CCDC170: variants seen among roughly 807,000 people sequenced by gnomAD.
The protein encoded by CCDC170 is coiled-coil domain-containing protein 170.
A neutral mutation model predicts 72.6 loss-of-function variants in CCDC170; 69 were observed. The ratio of observed to expected loss-of-function variants is 0.95; its 90% CI spans 0.78 to 1.16. The LOEUF (loss-of-function observed/expected upper bound fraction) is 1.16. CCDC170 is among the 50% of genes most tolerant of loss of function. CCDC170 has a pLI of 0.00. For missense variants in CCDC170, 852 were observed against 832.5 expected (o/e 1.02, Z -0.29); for synonymous variants, 300 against 303.9 (o/e 0.99, Z 0.13).
At chr6:151,601,648 G>A (rs966426576) in intron 9 of CCDC170, among the ~76,000 whole-genome samples, 5 of 152,122 alleles carry the variant, frequency 3.3e-5, no homozygotes, top group Non-Finnish European at 5.9e-5. Context: ...ATTGGCTCAT[G>A]CAATTATGGA....
chr6:151,522,434 T>C (rs921109376), intron 1 of CCDC170, among the ~76,000 whole-genome samples: 1 of 152,154 alleles, frequency 6.6e-6, no homozygotes, highest in Non-Finnish European at 1.5e-5. Flanking sequence ...AATGACCTAC[T>C]CCACCCTGAC....
intron 10 of CCDC170, among the ~76,000 whole-genome samples, chr6:151,616,241 C>G (rs1489363227): frequency 6.6e-6 from 1 of 152,094 alleles, no homozygotes; most frequent in Non-Finnish European, 1.5e-5. Flanking sequence ...AAATCTCAAA[C>G]AGTGGCACCC....
At position 151,585,358 on chromosome 6, in the gene CCDC170, C is replaced by T. The variant is rs534014858; in HGVS notation, c.1093-531C>T. On this transcript the variant is annotated intron_variant, in intron 6 of 10. Transcript: ENST00000239374. ...AACTATGTAGTGTAGAGTCAGCATC[C>T]CTGGAGTTTAGGGCATAGGTAACCA... Among the ~76,000 whole-genome samples the T allele has an allele frequency of 2.6e-5, 4 of 152,192 alleles. No homozygotes were observed. In the East Asian group the frequency reaches 7.7e-4, roughly 29 times the overall value.
chr6:151,554,222 C>T (rs1389627623), intron 5 of CCDC170, among the ~76,000 whole-genome samples: 2 of 151,874 alleles, frequency 1.3e-5, no homozygotes, highest in African/African-American at 4.9e-5. Flanking sequence ...GGAAAGTAGT[C>T]ATTTTGCCTG....
At chr6:151,502,925 T>G (rs1323006146) in intron 1 of CCDC170, among the ~76,000 whole-genome samples, 1 of 152,224 alleles carries the variant, frequency 6.6e-6, no homozygotes, top group Middle Eastern at 3.4e-3. Flanking sequence ...ATCCCAGCAC[T>G]TTGGGAGGCT....
chr6:151,562,927 C>T (rs1156684680), intron 5 of CCDC170, among the ~76,000 whole-genome samples: 1 of 152,172 alleles, frequency 6.6e-6, no homozygotes, highest in African/African-American at 2.4e-5. Context: ...GATTTGCTTC[C>T]CTATCAAACC....
At chr6:151,552,430 T>C (rs188043292) in intron 5 of CCDC170, among the ~76,000 whole-genome samples, 1 of 152,286 alleles carries the variant, frequency 6.6e-6, no homozygotes, top group East Asian at 1.9e-4. Flanking sequence ...GGATTAACTA[T>C]TACATCATGG....
intron 1 of CCDC170, among the ~76,000 whole-genome samples, chr6:151,494,590 G>A (rs1370740208): frequency 2.0e-5 from 3 of 152,208 alleles, no homozygotes; most frequent in Non-Finnish European, 2.9e-5. Flanking sequence ...GGCCAGCCCG[G>A]AGTAGAGTCA....
At chr6:151,525,073 T>G (rs552546013) in intron 1 of CCDC170, among the ~76,000 whole-genome samples, 3 of 151,854 alleles carry the variant, frequency 2.0e-5, no homozygotes, top group Admixed American at 6.6e-5. Context: ...GCTGGGACTA[T>G]AGGTGCCCGC....
chr6:151,593,779 C>G (rs982445309), intron 8 of CCDC170, among the ~76,000 whole-genome samples: 3 of 152,032 alleles, frequency 2.0e-5, no homozygotes, highest in Admixed American at 6.6e-5. Flanking sequence ...GCAGAGGCAT[C>G]TTTAAAAAAG....
intron 6 of CCDC170, among the ~76,000 whole-genome samples, chr6:151,577,263 G>T (rs1031230815): frequency 2.6e-5 from 4 of 152,164 alleles, no homozygotes; most frequent in South Asian, 2.1e-4. Context: ...TTCCCAGTTT[G>T]TGACAACCAC....
intron 1 of CCDC170, among the ~76,000 whole-genome samples, chr6:151,514,623 C>G (rs1782209463): frequency 6.6e-6 from 1 of 152,216 alleles, no homozygotes; most frequent in Admixed American, 6.5e-5. Flanking sequence ...GAGGCAGAAA[C>G]CCTGGGAATG....
Position 151,557,633 on chromosome 6 carries a change from A to C in CCDC170, c.774+9144A>C, listed in dbSNP as rs569361022. Among the ~76,000 whole-genome samples, 33 of 152,248 alleles carry C rather than the reference A, an allele frequency of 2.2e-4. No individual in the cohort carries two copies. The South Asian group carries it at 6.8e-3, about 32-fold the overall frequency. ...CTCCATACTGTGTTCCATAGTGGCC[A>C]TACAAATTTACATTCCCACCAACAG... On this transcript the variant is annotated intron_variant, in intron 5 of 10. Coordinates refer to ENST00000239374, the MANE Select transcript of CCDC170 (RefSeq NM_025059.4).
chr6:151,499,541 C>G (rs866915430), intron 1 of CCDC170, among the ~76,000 whole-genome samples: 5 of 116,604 alleles, frequency 4.3e-5, no homozygotes, highest in Non-Finnish European at 3.4e-5. Flanking sequence ...TCTAGGCATG[C>G]TGTATAAGTG....
intron 9 of CCDC170, among the ~76,000 whole-genome samples, chr6:151,602,229 T>G (rs990555793): frequency 1.3e-5 from 2 of 152,142 alleles, no homozygotes; most frequent in Admixed American, 6.6e-5. Context: ...CAAACATAAG[T>G]ATAATAGAAA....
Position 151,573,437 on chromosome 6 carries a change from C to A in CCDC170, c.1038C>A (p.Asp346Glu). 6.2e-7 allele frequency: 1 copy of A among 1,614,084 alleles called. No homozygotes were observed. The highest frequency in any genetic ancestry group is 1.1e-5 in the South Asian group (1 of 91,072). ...TGAGCATGACTGGGTCCACTGAGGACACCATTTTGGAGAAGATTCGAGAAA... is the reference window on the plus strand; with the variant it reads ...TGAGCATGACTGGGTCCACTGAGGAAACCATTTTGGAGAAGATTCGAGAAA... ...GRLSMTGSTE[D>E]TILEKIREMD... is the part of the protein sequence containing the mutation. Residue 346 changes from aspartate to glutamate, a missense_variant, in exon 6 of 11, where the codon GAC (aspartate) becomes GAA (glutamate). Asp to Glu is a conservative substitution (Grantham distance 45). Coordinates refer to ENST00000239374, the MANE Select transcript of CCDC170 (RefSeq NM_025059.4).
intron 1 of CCDC170, among the ~76,000 whole-genome samples, chr6:151,516,644 A>G (rs12529228): frequency 2.0e-5 from 3 of 152,150 alleles, no homozygotes; most frequent in Admixed American, 6.5e-5. Flanking sequence ...AGAAAGAAGA[A>G]CAGCTCTCTC....
chr6:151,618,183 T>A lies in CCDC170; in HGVS notation c.*36T>A. On this transcript the variant is annotated 3_prime_UTR_variant, in exon 11 of 11. Transcript: ENST00000239374. ...TCTTGAGAGAGGTGGCCATAAGACATGGCACACAATTCCCAATTTCACAAA... is the reference window on the plus strand; with the variant it reads ...TCTTGAGAGAGGTGGCCATAAGACAAGGCACACAATTCCCAATTTCACAAA... The A allele has an allele frequency of 2.0e-6, 3 of 1,537,912 alleles. No individual in the cohort carries two copies. The highest frequency in any genetic ancestry group is 2.7e-6 in the Non-Finnish European group (3 of 1,118,394).
chr6:151,585,944 A>G lies in CCDC170; in HGVS notation c.1148A>G (p.Glu383Gly), dbSNP rs1776444710. Residue 383 changes from glutamate to glycine, a missense_variant, in exon 7 of 11, where the codon GAG becomes GGG. By Grantham distance (98) the Glu-to-Gly change is moderately conservative. Transcript: ENST00000239374. Reference protein sequence around the residue: ...ISELVEQLGKESGFHQKALQR... With the variant: ...ISELVEQLGKGSGFHQKALQR... ...GAGCTTGTTGAACAGTTGGGAAAGG[A>G]GTCTGGGTTTCACCAGAAAGCTCTC... is the stretch of plus-strand genomic sequence containing the variant. 1 of 1,613,886 alleles carries G rather than the reference A, an allele frequency of 6.2e-7. No individual in the cohort carries two copies. The highest frequency in any genetic ancestry group is 1.1e-5 in the South Asian group (1 of 91,044).
Sources: gnomAD v4.1 joint callset for allele counts (sites outside exome capture counted in the v4.1 genomes callset) on GRCh38, gnomAD v4.1.1 for gene constraint, MANE v1.5 for transcripts, NCBI Gene and HGNC (gene_info 2026-07-23, HGNC 2026-07-21) for gene names.